Variants in DEAF1 observed in about 807,000 individuals in gnomAD.
DEAF1 encodes deformed epidermal autoregulatory factor 1 homolog.
DEAF1 carries 53 observed loss-of-function variants against 58.9 expected under a neutral mutation model. That is an observed-to-expected ratio of 0.90 (90% CI 0.72 to 1.13). The LOEUF is 1.13. DEAF1 is among the 50% of genes most tolerant of loss of function. The pLI is 0.00. For synonymous variants in DEAF1, 385 were observed against 340.4 expected (o/e 1.13, Z -1.44); for missense variants, 685 against 791.4 (o/e 0.87, Z 1.61).
At chr11:690,935 T>A (rs1235043374) in intron 2 of DEAF1, among the ~76,000 whole-genome samples, 2 of 152,228 alleles carry the variant, frequency 1.3e-5, no homozygotes, top group Non-Finnish European at 2.9e-5. Context: ...GTTGACCAGA[T>A]GTCCCCAGAT....
At chr11:663,266 G>A (rs538728367) in intron 10 of DEAF1, among the ~76,000 whole-genome samples, 1 of 152,270 alleles carries the variant, frequency 6.6e-6, no homozygotes, top group East Asian at 1.9e-4. Flanking sequence ...GGCTAATAAC[G>A]GCGAAACTCC....
chr11:691,028 T>C lies in DEAF1; in HGVS notation c.387+473A>G, dbSNP rs145810031. Among the ~76,000 whole-genome samples, 168 of 152,334 alleles carry C rather than the reference T, an allele frequency of 1.1e-3. 1 individual carries two copies. The highest frequency in any genetic ancestry group is 3.8e-3 in the African/African-American group (158 of 41,582). On this transcript the variant is annotated intron_variant, in intron 2 of 11. Coordinates refer to ENST00000382409, the MANE Select transcript of DEAF1 (RefSeq NM_021008.4). ...GGCTCTGAAGGTGGCACAGACACTA[T>C]TTGAAATGCAACTGGCTTTCAGCAG... is the stretch of plus-strand genomic sequence containing the variant.
intron 1 of DEAF1, among the ~76,000 whole-genome samples, chr11:693,819 T>A (rs1028621366): frequency 6.6e-6 from 1 of 152,166 alleles, no homozygotes; most frequent in Admixed American, 6.5e-5. Flanking sequence ...TATAAGCAGC[T>A]TATATAAAAA....
Position 654,033 on chromosome 11 carries a change from C to T in DEAF1, c.1522G>A (p.Gly508Ser), listed in dbSNP as rs776979045. 1.5e-5 allele frequency: 25 copies of T among 1,613,424 alleles called. No individual in the cohort carries two copies. Among genetic ancestry groups the T allele is most frequent in the Non-Finnish European group, 1.8e-5 (21 of 1,179,938 alleles). Residue 508 changes from glycine to serine, a missense_variant, in exon 11 of 12, where the codon GGC (glycine) becomes AGC (serine). Gly to Ser is a moderately conservative substitution (Grantham distance 56, BLOSUM62 0). Around this residue, in one of 3 missense-constraint regions of DEAF1, gnomAD observed 343 missense variants for 379.8 expected, o/e 0.90. Coordinates refer to ENST00000382409, the MANE Select transcript of DEAF1 (RefSeq NM_021008.4). ...ERKEQSCVNC[G>S]REAMSECTGC... ...GTGCACTCGCTCATAGCCTCCCGGC[C>T]GCAGTTAACGCAGGACTGCTGCAAG...
At chr11:699,931 G>A, upstream of DEAF1, 3 of 554,656 alleles carry the variant, frequency 5.4e-6, no homozygotes, top group Non-Finnish European at 6.5e-6. Flanking sequence ...ATGGAGGGGG[G>A]TCCCACAAAG....
At chr11:695,845 A>G, upstream of DEAF1, 1 of 1,229,200 alleles carries the variant, frequency 8.1e-7, no homozygotes, top group Non-Finnish European at 1.0e-6. Context: ...CCCCGCGGCG[A>G]GGTGAGCTCG....
intron 1 of DEAF1, among the ~76,000 whole-genome samples, chr11:693,900 C>G (rs1263073170): frequency 6.6e-6 from 1 of 151,828 alleles, no homozygotes; most frequent in Non-Finnish European, 1.5e-5. Context: ...GGAGCAGGTC[C>G]TTAGGGAAAA....
intron 1 of DEAF1, chr11:706,500 G>C (rs1445604562): frequency 6.6e-6 from 1 of 152,390 alleles, no homozygotes; most frequent in African/African-American, 2.4e-5. Flanking sequence ...GCTGCAGCCC[G>C]GCCTGCCCCC....
chr11:691,609 A>G lies in DEAF1; in HGVS notation c.290-11T>C. 7 of 1,612,560 alleles carry G rather than the reference A, an allele frequency of 4.3e-6. No individual in the cohort carries two copies. The highest frequency in any genetic ancestry group is 5.9e-6 in the Non-Finnish European group (7 of 1,179,506). On this transcript the variant is annotated splice_polypyrimidine_tract_variant and intron_variant, in intron 1 of 11. Transcript: ENST00000382409. ...TCACTGTGGTCACCTCTGCAACAGA[A>G]GGAGCCTCATTTAACAAGCAACAAA...
Position 678,679 on chromosome 11 carries a change from T to C in DEAF1, c.1255+15A>G, listed in dbSNP as rs1860191194. ...GGACAATAACCTGTACATGTGTGAA[T>C]TCTTTCAAACCTACCTATTTTGGGA... On this transcript the variant is annotated intron_variant, in intron 9 of 11. Coordinates refer to ENST00000382409, the MANE Select transcript of DEAF1 (RefSeq NM_021008.4). 1 of 1,613,966 alleles carries C rather than the reference T, an allele frequency of 6.2e-7. No homozygotes were observed. Among genetic ancestry groups the C allele is most frequent in the East Asian group, 2.2e-5 (1 of 44,876 alleles).
In DEAF1 at chr11:678,811, T is replaced by C. The variant is rs751818083; in HGVS notation, c.1138A>G (p.Ser380Gly). 2 of 1,614,094 alleles carry C rather than the reference T, an allele frequency of 1.2e-6. No homozygotes were observed. The highest frequency in any genetic ancestry group is 1.7e-6 in the Non-Finnish European group (2 of 1,179,970). The change falls in exon 9 of 12, where the codon AGC becomes GGC. Residue 380 changes from serine (S) to glycine (G), a missense_variant. Transcript: ENST00000382409. ...CTGGCCCTGCATGGGGGCTGCACGC[T>C]GGCCTCTTGGACTGTTGGGGAGAAA... The part of the protein sequence containing the change: ...VFAGATVQEA[S>G]VQPPCRASHP...
chr11:699,203 G>C, upstream of DEAF1: 1 of 446,142 alleles, frequency 2.2e-6, no homozygotes, highest in Non-Finnish European at 4.0e-6. Flanking sequence ...TTTGTCCCTA[G>C]ATTCATTTTA....
chr11:664,182 C>G (rs1249850416), intron 10 of DEAF1, among the ~76,000 whole-genome samples: 1 of 151,430 alleles, frequency 6.6e-6, no homozygotes, highest in African/African-American at 2.4e-5. Flanking sequence ...CATTGCACTC[C>G]AGCCTGGGCA....
intron 11 of DEAF1, among the ~76,000 whole-genome samples, chr11:646,073 C>T (rs1171006128): frequency 6.6e-6 from 1 of 151,744 alleles, no homozygotes; most frequent in Non-Finnish European, 1.5e-5. Flanking sequence ...CCCAACATGG[C>T]AAAACCCCAT....
At chr11:658,682 C>T (rs972302152) in intron 10 of DEAF1, among the ~76,000 whole-genome samples, 1 of 152,254 alleles carries the variant, frequency 6.6e-6, no homozygotes, top group Non-Finnish European at 1.5e-5. Context: ...TTCTCTGGGC[C>T]GCAGGCGGGC....
At position 694,883 on chromosome 11, in the gene DEAF1, C is replaced by T. The variant is rs762988441; in HGVS notation, c.165G>A (p.Glu55=). The T allele has an allele frequency of 2.7e-6, 4 of 1,502,268 alleles. No homozygotes were observed. The South Asian group carries it at 5.0e-5, about 19-fold the overall frequency. The allele number at this position is 1,502,268 out of a possible 1,614,324, so 93.1% of individuals were successfully genotyped here. ...DEDSEEDADS[E]AERETPRVTA... is the part of the protein sequence containing the mutation. ...TGACCCGCGGCGTCTCCCGCTCCGC[C>T]TCCGAGTCTGCGTCCTCCTCCGAGT... Residue 55 remains glutamate (E), a synonymous_variant, in exon 1 of 12, where the codon GAG becomes GAA. Transcript: ENST00000382409.
chr11:686,987 T>C lies in DEAF1; in HGVS notation c.675A>G (p.Gly225=). 6.2e-7 allele frequency: 1 copy of C among 1,613,994 alleles called. No individual in the cohort carries two copies. The highest frequency in any genetic ancestry group is 8.5e-7 in the Non-Finnish European group (1 of 1,180,016). Residue 225 remains glycine, a synonymous_variant, in exon 5 of 12, where the codon GGA becomes GGG. Transcript: ENST00000382409. ...YKNRLGSGGR[G]RCIKQGENWY... ...AGTTCTCCCCCTGCTTGATGCACCG[T>C]CCCCGGCCGCCTGCAAGGAAGGGCA...
In DEAF1 at chr11:669,125, CTTTTTTTTTT is replaced by C. The variant is rs36167071; in HGVS notation, c.1503+5401_1503+5410del. 1.2e-4 allele frequency among the ~76,000 whole-genome samples: 13 copies of C among 107,808 alleles called. No homozygotes were observed. The South Asian group carries it at 3.3e-3, about 28-fold the overall frequency. 70.7% of individuals were successfully genotyped at this position (107,808 alleles called of 152,430 possible). On this transcript the variant is annotated intron_variant, in intron 10 of 11. Transcript: ENST00000382409. ...CAGGCGTAAGCCACTGCACCCGACCCTTTTTTTTTTTTTTTTTTTTGTACAGACAGGGTCT... is the reference window on the plus strand; with the variant it reads ...CAGGCGTAAGCCACTGCACCCGACCCTTTTTTTTTTGTACAGACAGGGTCT...
At chr11:703,499 G>C in intron 1 of DEAF1, 1 of 1,254,280 alleles carries the variant, frequency 8.0e-7, no homozygotes, top group South Asian at 3.5e-5. Flanking sequence ...AGGGAGGACA[G>C]AGCCCTTCAG....
Sources: gnomAD v4.1 joint callset for allele counts (sites outside exome capture counted in the v4.1 genomes callset) on GRCh38, gnomAD v4.1.1 for gene constraint, gnomAD v4.1.1 regional missense constraint, MANE v1.5 for transcripts, NCBI Gene and HGNC (gene_info 2026-07-23, HGNC 2026-07-21) for gene names.